The following ITGBL1 variants were observed in gnomAD, a reference collection of about 807,000 sequenced individuals.
ITGBL1 encodes integrin beta-like protein 1.
In ITGBL1, 51 loss-of-function variants were observed where a neutral mutation model predicts 68.5. The ratio of observed to expected loss-of-function variants is 0.74; its 90% CI spans 0.59 to 0.94. The LOEUF (loss-of-function observed/expected upper bound fraction) is 0.94, where lower values mean the gene tolerates loss of function less well. Among genes scored for constraint, ITGBL1 ranks in the 40% least tolerant of loss-of-function variants. The pLI, the probability that ITGBL1 is intolerant of heterozygous loss-of-function variation, is 0.00. For synonymous variants in ITGBL1, 209 were observed against 227.3 expected, an observed-to-expected ratio of 0.92 and a Z score of 0.72; for missense variants, 649 against 647.4, an observed-to-expected ratio of 1.00 and a Z score of -0.03.
chr13:101,711,032 G>A (rs1280672980), intron 9 of ITGBL1: 2 of 152,206 alleles, frequency 1.3e-5, no homozygotes, highest in African/African-American at 4.8e-5. Flanking sequence ...TGACAAAGGT[G>A]CCTTGCCCTT....
At chr13:101,630,187 T>C (rs911451443) in intron 7 of ITGBL1, among the ~76,000 whole-genome samples, 3 of 152,206 alleles carry the variant, frequency 2.0e-5, no homozygotes, top group Non-Finnish European at 4.4e-5. Flanking sequence ...CAATTTGTTT[T>C]CTAAAACCTT....
chr13:101,610,078 C>T (rs1286251642), intron 7 of ITGBL1, among the ~76,000 whole-genome samples: 1 of 151,972 alleles, frequency 6.6e-6, no homozygotes, highest in Non-Finnish European at 1.5e-5. Context: ...TTTCTCCAGG[C>T]AAGCTTAAAA....
At chr13:101,528,725 A>G (rs1293814131) in intron 2 of ITGBL1, among the ~76,000 whole-genome samples, 1 of 152,014 alleles carries the variant, frequency 6.6e-6, no homozygotes, top group Non-Finnish European at 1.5e-5. Context: ...CTTAAAATGA[A>G]ATTAACAGAA....
chr13:101,629,869 C>A (rs932108604), intron 7 of ITGBL1, among the ~76,000 whole-genome samples: 3 of 152,136 alleles, frequency 2.0e-5, no homozygotes, highest in Non-Finnish European at 4.4e-5. Flanking sequence ...GTCACCCAGG[C>A]TGGAGTGCAG....
At chr13:101,675,812 A>G (rs921353804) in intron 7 of ITGBL1, among the ~76,000 whole-genome samples, 54 of 152,130 alleles carry the variant, frequency 3.5e-4, no homozygotes, top group African/African-American at 1.3e-3. Flanking sequence ...CATGAGATAC[A>G]ATTTCAAGTC....
intron 7 of ITGBL1, among the ~76,000 whole-genome samples, chr13:101,608,352 C>T (rs1460941553): frequency 3.3e-5 from 5 of 151,344 alleles, no homozygotes; most frequent in Admixed American, 6.6e-5. Context: ...GAGAAGTTTT[C>T]ATGATACATG....
intron 7 of ITGBL1, among the ~76,000 whole-genome samples, chr13:101,685,643 G>T (rs938656371): frequency 3.3e-5 from 5 of 152,056 alleles, no homozygotes; most frequent in Non-Finnish European, 7.4e-5. Context: ...GTTGGCATTA[G>T]TATTTAAGCA....
At chr13:101,603,660 A>AG (rs1413790188) in intron 7 of ITGBL1, among the ~76,000 whole-genome samples, 2 of 149,406 alleles carry the variant, frequency 1.3e-5, no homozygotes, top group Non-Finnish European at 3.0e-5. Context: ...AAAAAAAATG[A>AG]CCATAGGAAG....
chr13:101,524,176 A>C (rs2139141253), intron 2 of ITGBL1, among the ~76,000 whole-genome samples: 1 of 151,426 alleles, frequency 6.6e-6, no homozygotes, highest in East Asian at 1.9e-4. Context: ...CAAGTTAAAC[A>C]ACTTATTCTG....
chr13:101,614,638 C>A (rs2031276588), intron 7 of ITGBL1, among the ~76,000 whole-genome samples: 1 of 152,080 alleles, frequency 6.6e-6, no homozygotes, highest in South Asian at 2.1e-4. Flanking sequence ...TGCTTTGTCC[C>A]CAGGTTTTTG....
intron 8 of ITGBL1, among the ~76,000 whole-genome samples, chr13:101,695,891 C>G (rs1457579404): frequency 1.3e-5 from 2 of 152,138 alleles, no homozygotes; most frequent in Non-Finnish European, 2.9e-5. Context: ...ATGAATTGAA[C>G]TATAAGCAGC....
At chr13:101,718,600 T>C (rs2034810050), downstream of ITGBL1, 2 of 152,004 alleles carry the variant, frequency 1.3e-5, no homozygotes, top group African/African-American at 4.8e-5. Flanking sequence ...CCAGAGACTT[T>C]TTCAAAAAAG....
intron 7 of ITGBL1, among the ~76,000 whole-genome samples, chr13:101,640,263 G>A (rs2032317723): frequency 6.6e-6 from 1 of 152,048 alleles, no homozygotes; most frequent in Non-Finnish European, 1.5e-5. Flanking sequence ...TATCACAAGT[G>A]GAATAAAATC....
At chr13:101,613,277 G>A (rs2031218273) in intron 7 of ITGBL1, among the ~76,000 whole-genome samples, 1 of 152,098 alleles carries the variant, frequency 6.6e-6, no homozygotes, top group African/African-American at 2.4e-5. Flanking sequence ...ATTTAATAGA[G>A]AAAACAAGGT....
chr13:101,574,851 G>A (rs1026624718), intron 3 of ITGBL1, among the ~76,000 whole-genome samples: 1 of 152,054 alleles, frequency 6.6e-6, no homozygotes, highest in Non-Finnish European at 1.5e-5. Flanking sequence ...CATGCCTAAG[G>A]AAATCCACTC....
intron 2 of ITGBL1, among the ~76,000 whole-genome samples, chr13:101,566,652 TC>T (rs1351099825): frequency 3.9e-5 from 6 of 152,264 alleles, no homozygotes; most frequent in Admixed American, 1.3e-4. Flanking sequence ...TGACCAACCA[TC>T]TGGACCTTAT....
At chr13:101,521,003 A>T (rs2049275720) in intron 2 of ITGBL1, among the ~76,000 whole-genome samples, 1 of 152,214 alleles carries the variant, frequency 6.6e-6, no homozygotes, top group Admixed American at 6.5e-5. Flanking sequence ...CAGAATGCCG[A>T]CTGAGAGACA....
At position 101,615,088 on chromosome 13, in the gene ITGBL1, AGAATCCTTCCTTGCTGTTTCT is replaced by A. The variant is rs1460034900; in HGVS notation, c.1015+16790_1015+16810del. 2.0e-5 allele frequency among the ~76,000 whole-genome samples: 3 copies of A among 152,022 alleles called. No individual in the cohort carries two copies. In the East Asian group the frequency reaches 5.8e-4, roughly 29 times the overall value. ...AGGATCCCTCCCAAGGATCTAGGAG[AGAATCCTTCCTTGCTGTTTCT>A]AACTTGTGGCTTTTGGCGTTCCTTG... On this transcript the variant is annotated intron_variant, in intron 7 of 10. Transcript: ENST00000376180.
chr13:101,509,386 T>C (rs1293920879), intron 2 of ITGBL1, among the ~76,000 whole-genome samples: 1 of 152,178 alleles, frequency 6.6e-6, no homozygotes, highest in Non-Finnish European at 1.5e-5. Context: ...AGCCAAACCA[T>C]ATAGTCTTTT....
Sources: allele counts gnomAD v4.1 joint callset (sites outside exome capture counted in the v4.1 genomes callset), GRCh38; gene constraint gnomAD v4.1.1; transcripts MANE v1.5; gene names NCBI Gene and HGNC (gene_info 2026-07-23, HGNC 2026-07-21).